The following GPHN variants were observed in gnomAD, a reference collection of about 807,000 sequenced individuals.
The protein encoded by GPHN is gephyrin.
Under a neutral mutation model 95.5 loss-of-function variants are expected in GPHN, and 17 were observed. The observed-to-expected ratio is 0.18, with a 90% CI of 0.12 to 0.27. The LOEUF (loss-of-function observed/expected upper bound fraction) is 0.27, where lower values mean the gene tolerates loss of function less well. GPHN is among the 10% of genes least tolerant of loss of function. The probability of loss-of-function intolerance (pLI) is 1.00; values close to 1 mark genes in which losing one functional copy is unlikely to be tolerated. For synonymous variants in GPHN, 320 were observed against 322.5 expected (o/e 0.99, Z 0.08); for missense variants, 660 against 978.1 (o/e 0.67, Z 4.34).
At chr14:66,546,960 G>T (rs937978818) in intron 1 of GPHN, among the ~76,000 whole-genome samples, 1 of 152,136 alleles carries the variant, frequency 6.6e-6, no homozygotes, top group Non-Finnish European at 1.5e-5. Flanking sequence ...CAGTAAATTT[G>T]CTCTTTTTCT....
the GPHN span, among the ~76,000 whole-genome samples, chr14:67,530,076 C>T: frequency 6.6e-6 from 1 of 152,204 alleles, no homozygotes; most frequent in Non-Finnish European, 1.5e-5. Flanking sequence ...ATTTCACCAG[C>T]TCTCCTAGAG....
At chr14:67,023,035 A>C (rs1049276767) in intron 9 of GPHN, among the ~76,000 whole-genome samples, 1 of 152,062 alleles carries the variant, frequency 6.6e-6, no homozygotes, top group African/African-American at 2.4e-5. Context: ...TTTTCAACAG[A>C]AGCATATTTC....
intron 5 of GPHN, among the ~76,000 whole-genome samples, chr14:66,911,784 C>A (rs886624365): frequency 6.6e-6 from 1 of 151,872 alleles, no homozygotes; most frequent in Non-Finnish European, 1.5e-5. Context: ...CCAAATATGT[C>A]CTGTTTTTAA....
intron 1 of GPHN, among the ~76,000 whole-genome samples, chr14:66,649,397 C>T (rs908943211): frequency 4.6e-5 from 7 of 151,974 alleles, no homozygotes; most frequent in East Asian, 1.9e-4. Flanking sequence ...AGTAGCAGTC[C>T]GTGACCTGTT....
chr14:67,725,222 C>G, the GPHN span: 2 of 1,613,806 alleles, frequency 1.2e-6, no homozygotes, highest in Admixed American at 1.7e-5. Flanking sequence ...GACACCAAAT[C>G]TATCCGAGCC....
the GPHN span, among the ~76,000 whole-genome samples, chr14:67,580,503 T>G: frequency 6.6e-6 from 1 of 152,244 alleles, no homozygotes; most frequent in Non-Finnish European, 1.5e-5. Context: ...GCTTCTATGG[T>G]CTTTTAACAT....
the GPHN span, among the ~76,000 whole-genome samples, chr14:67,347,689 G>A: frequency 5.3e-5 from 8 of 151,814 alleles, no homozygotes; most frequent in East Asian, 1.9e-4. Context: ...TAGTAGACAC[G>A]GGGTTTCTCC....
chr14:67,526,172 C>T, the GPHN span, among the ~76,000 whole-genome samples: 1 of 152,234 alleles, frequency 6.6e-6, no homozygotes, highest in Admixed American at 6.5e-5. Flanking sequence ...GCGCACTCTC[C>T]ATATCACCAC....
At chr14:66,867,460 T>A (rs1430812066) in intron 4 of GPHN, among the ~76,000 whole-genome samples, 1 of 152,176 alleles carries the variant, frequency 6.6e-6, no homozygotes, top group Non-Finnish European at 1.5e-5. Flanking sequence ...AAAAATAGAT[T>A]TATAACAAGT....
At chr14:67,110,004 C>T (rs2078274722) in intron 13 of GPHN, 136 bp from the exon 14 acceptor site, 5 of 747,956 alleles carry the variant, frequency 6.7e-6, no homozygotes, top group Admixed American at 4.4e-5. Context: ...TTTTATTACA[C>T]TGGCCCAAAA....
the GPHN span, chr14:67,619,787 G>A: frequency 1.8e-6 from 1 of 546,634 alleles, no homozygotes; most frequent in Non-Finnish European, 3.2e-6. Context: ...GCAGAGCGGT[G>A]GGCGGGGCCT....
At chr14:67,340,941 G>A in the GPHN span, among the ~76,000 whole-genome samples, 1 of 152,262 alleles carries the variant, frequency 6.6e-6, no homozygotes. Flanking sequence ...CTCCCGAGGT[G>A]CCGGGATTGC....
chr14:66,747,505 G>A (rs1302526435), intron 2 of GPHN, among the ~76,000 whole-genome samples: 1 of 151,758 alleles, frequency 6.6e-6, no homozygotes, highest in African/African-American at 2.4e-5. Flanking sequence ...AATTAAACGA[G>A]TACTGACTCT....
At position 67,125,851 on chromosome 14, in the gene GPHN, A is replaced by G. The variant is rs115581901; in HGVS notation, c.1748+3474A>G. Among the ~76,000 whole-genome samples, 839 of 151,772 alleles carry G rather than the reference A, an allele frequency of 5.5e-3. 3 individuals carry two copies. The highest frequency in any genetic ancestry group is 0.019 in the African/African-American group (801 of 41,430). On this transcript the variant is annotated intron_variant, in intron 17 of 22. Coordinates refer to ENST00000478722, the MANE Select transcript of GPHN (RefSeq NM_020806.5). Reference sequence around the variant, plus strand: ...GATAAGGGTAGAGAGTGACAGCTCTATTTGTATCATTAAAAAAGGTTTGAG... The same window carrying G: ...GATAAGGGTAGAGAGTGACAGCTCTGTTTGTATCATTAAAAAAGGTTTGAG...
chr14:67,048,857 C>T (rs867413387), intron 10 of GPHN, among the ~76,000 whole-genome samples: 4 of 152,182 alleles, frequency 2.6e-5, no homozygotes, highest in Non-Finnish European at 5.9e-5. Flanking sequence ...AATGCCCTCG[C>T]AGATTCTCTT....
intron 2 of GPHN, among the ~76,000 whole-genome samples, chr14:66,690,953 C>G (rs2067729746): frequency 6.6e-6 from 1 of 152,100 alleles, no homozygotes; most frequent in Non-Finnish European, 1.5e-5. Context: ...AAACCTTGGT[C>G]TGTATTATTC....
chr14:67,225,981 A>ATGCGCG, the GPHN span, among the ~76,000 whole-genome samples: 1 of 117,466 alleles, frequency 8.5e-6, no homozygotes, highest in African/African-American at 2.8e-5. Flanking sequence ...GCGCGTGCGC[A>ATGCGCG]TGCGCGTGCA....
chr14:67,691,638 A>G, the GPHN span: 4 of 169,786 alleles, frequency 2.4e-5, no homozygotes, highest in Non-Finnish European at 5.0e-5. Flanking sequence ...AAAGAAATAA[A>G]TACTGGCTTC....
chr14:67,723,711 G>C, the GPHN span, among the ~76,000 whole-genome samples: 1 of 152,320 alleles, frequency 6.6e-6, no homozygotes, highest in African/African-American at 2.4e-5. Flanking sequence ...GAAGTTGAGA[G>C]GATTAAAATA....
Sources: allele counts gnomAD v4.1 joint callset (sites outside exome capture counted in the v4.1 genomes callset), GRCh38; gene constraint gnomAD v4.1.1; transcripts MANE v1.5; gene names NCBI Gene and HGNC (gene_info 2026-07-23, HGNC 2026-07-21).